NEK10: variants seen among roughly 807,000 people sequenced by gnomAD.
NEK10 encodes the protein serine/threonine-protein kinase Nek10.
NEK10 carries 122 observed loss-of-function variants against 159.8 expected under a neutral mutation model. That is an observed-to-expected ratio of 0.76 (90% CI 0.66 to 0.89). The LOEUF (loss-of-function observed/expected upper bound fraction) is 0.89, where lower values mean the gene tolerates loss of function less well. Ranked by LOEUF, NEK10 falls within the 40% of genes least tolerant of loss-of-function variation. The pLI is 0.00. For missense variants in NEK10, 1,342 were observed against 1,323.1 expected, an observed-to-expected ratio of 1.01 and a Z score of -0.22; for synonymous variants, 466 against 457.1, an observed-to-expected ratio of 1.02 and a Z score of -0.25.
At chr3:27,264,173 GA>G (rs1417186198) in intron 22 of NEK10, among the ~76,000 whole-genome samples, 1 of 151,898 alleles carries the variant, frequency 6.6e-6, no homozygotes, top group East Asian at 1.9e-4. Context: ...TGCCAATATA[GA>G]AAAATAAGGA....
At position 27,106,713 on chromosome 3, in the gene NEK10, C is replaced by G. The variant is rs1939020861; in HGVS notation, c.*4559G>C. On this transcript the variant is annotated 3_prime_UTR_variant, in exon 36 of 36. Coordinates refer to ENST00000691995, the MANE Select transcript of NEK10 (RefSeq NM_001394966.1). ...ACTTCTCTCTGCATGTTTTATGGGA[C>G]CAGTTTTTCACATGTTTGCAAAAAC... Among the ~76,000 whole-genome samples, 2 of 152,170 alleles carry G rather than the reference C, an allele frequency of 1.3e-5. No homozygotes were observed. Among genetic ancestry groups the G allele is most frequent in the Admixed American group, 1.3e-4 (2 of 15,270 alleles).
chr3:27,138,336 C>T (rs1188365445), intron 31 of NEK10, among the ~76,000 whole-genome samples: 1 of 152,172 alleles, frequency 6.6e-6, no homozygotes, highest in East Asian at 1.9e-4. Context: ...GGAGGGCTTG[C>T]CCAGGTCCCC....
intron 23 of NEK10, among the ~76,000 whole-genome samples, chr3:27,233,339 A>G (rs1358905998): frequency 1.3e-5 from 2 of 152,130 alleles, no homozygotes; most frequent in Admixed American, 6.6e-5. Context: ...AACCATAATG[A>G]GATACCACCT....
chr3:27,240,408 A>G (rs551914104), intron 23 of NEK10, among the ~76,000 whole-genome samples: 25 of 152,084 alleles, frequency 1.6e-4, no homozygotes, highest in South Asian at 8.3e-4. Flanking sequence ...ACATAACTAA[A>G]TAATTATGGT....
intron 23 of NEK10, 145 bp downstream of exon 23, chr3:27,256,151 A>C (rs1441837474): frequency 4.8e-6 from 2 of 416,860 alleles, no homozygotes; most frequent in Non-Finnish European, 8.5e-6. Context: ...CAATTCTAGT[A>C]ATGTGTATTA....
intron 25 of NEK10, 24 bp downstream of exon 25, chr3:27,201,486 G>A (rs763874078): frequency 2.5e-6 from 4 of 1,600,826 alleles, no homozygotes; most frequent in Non-Finnish European, 3.4e-6. Context: ...GTCCCTACAT[G>A]TCTGAAGCCG....
chr3:27,300,343 G>A (rs1396455371), intron 13 of NEK10, among the ~76,000 whole-genome samples: 1 of 152,218 alleles, frequency 6.6e-6, no homozygotes. Flanking sequence ...CATCATCCAC[G>A]TAAGATGTGA....
intron 22 of NEK10, among the ~76,000 whole-genome samples, chr3:27,274,144 T>C (rs769690958): frequency 2.0e-4 from 31 of 152,176 alleles, no homozygotes; most frequent in Non-Finnish European, 2.2e-4. Context: ...CCCTGTACCA[T>C]GCCACTTTCC....
intron 22 of NEK10, among the ~76,000 whole-genome samples, chr3:27,266,237 C>G (rs1019294044): frequency 6.6e-6 from 1 of 152,176 alleles, no homozygotes; most frequent in Non-Finnish European, 1.5e-5. Flanking sequence ...GGCTTTGATG[C>G]TGTCTAAGAA....
chr3:27,292,596 G>A (rs866087098), intron 16 of NEK10, among the ~76,000 whole-genome samples: 2 of 152,142 alleles, frequency 1.3e-5, no homozygotes, highest in Middle Eastern at 3.4e-3. Flanking sequence ...CACTTTGGGA[G>A]GCCAAGGCGG....
At chr3:27,201,108 G>T (rs989890660) in intron 25 of NEK10, among the ~76,000 whole-genome samples, 1 of 152,118 alleles carries the variant, frequency 6.6e-6, no homozygotes, top group African/African-American at 2.4e-5. Flanking sequence ...AAATTAAAAA[G>T]TACCTGCAAC....
chr3:27,220,642 C>CT (rs1010734158), intron 23 of NEK10, among the ~76,000 whole-genome samples: 57 of 149,030 alleles, frequency 3.8e-4, no homozygotes, highest in East Asian at 1.8e-3. Context: ...ACACAATTGG[C>CT]TTTTTTTTTT....
chr3:27,177,379 T>TA (rs1947619397), intron 26 of NEK10, among the ~76,000 whole-genome samples: 2 of 151,716 alleles, frequency 1.3e-5, no homozygotes, highest in Admixed American at 6.6e-5. Context: ...CTGTCTCTAC[T>TA]AAAAAATACA....
intron 23 of NEK10, among the ~76,000 whole-genome samples, chr3:27,206,189 C>A (rs892284335): frequency 3.9e-5 from 6 of 152,068 alleles, no homozygotes; most frequent in Non-Finnish European, 8.8e-5. Flanking sequence ...TTGTAGCAGA[C>A]TTTCCTCTTG....
At chr3:27,197,634 G>A (rs930585703) in intron 25 of NEK10, among the ~76,000 whole-genome samples, 5 of 152,120 alleles carry the variant, frequency 3.3e-5, no homozygotes, top group Admixed American at 1.3e-4. Context: ...CTGCAACTTC[G>A]CTGAAGTTGT....
intron 9 of NEK10, chr3:27,309,805 T>C (rs2044540823): frequency 6.6e-6 from 1 of 152,238 alleles, no homozygotes; most frequent in African/African-American, 2.4e-5. Flanking sequence ...AAACAAGATA[T>C]GAATACTATC....
At chr3:27,300,251 A>G (rs2043703229) in intron 13 of NEK10, among the ~76,000 whole-genome samples, 1 of 152,030 alleles carries the variant, frequency 6.6e-6, no homozygotes, top group African/African-American at 2.4e-5. Flanking sequence ...CTCACTTGAG[A>G]TCTGATTGTT....
At chr3:27,260,605 T>C (rs919635767) in intron 22 of NEK10, among the ~76,000 whole-genome samples, 7 of 152,232 alleles carry the variant, frequency 4.6e-5, no homozygotes, top group African/African-American at 1.7e-4. Flanking sequence ...TTGGATGTGC[T>C]GCTGGATTTG....
chr3:27,152,980 T>C (rs1405579827), intron 30 of NEK10, among the ~76,000 whole-genome samples: 2 of 152,150 alleles, frequency 1.3e-5, no homozygotes, highest in East Asian at 1.9e-4. Context: ...TAAATATATA[T>C]GCACCTAAAA....
Sources: gnomAD v4.1 joint callset for allele counts (sites outside exome capture counted in the v4.1 genomes callset) on GRCh38, gnomAD v4.1.1 for gene constraint, MANE v1.5 for transcripts, NCBI Gene and HGNC (gene_info 2026-07-23, HGNC 2026-07-21) for gene names.